The following USP46 variants were observed in gnomAD, a reference collection of about 807,000 sequenced individuals.
The protein encoded by USP46 is ubiquitin carboxyl-terminal hydrolase 46.
USP46 carries 12 observed loss-of-function variants against 44.4 expected under a neutral mutation model. The ratio of observed to expected loss-of-function variants is 0.27; its 90% CI spans 0.17 to 0.44. The LOEUF (loss-of-function observed/expected upper bound fraction) is 0.44, where lower values mean the gene tolerates loss of function less well. Among genes scored for constraint, USP46 ranks in the 20% least tolerant of loss-of-function variants. The pLI, the probability that USP46 is intolerant of heterozygous loss-of-function variation, is 1.00. For synonymous variants in USP46, 155 were observed against 161.5 expected, an observed-to-expected ratio of 0.96 and a Z score of 0.31; for missense variants, 248 against 444.8, an observed-to-expected ratio of 0.56 and a Z score of 3.98.
At chr4:52,599,279 C>T (rs1412433428) in intron 7 of USP46, among the ~76,000 whole-genome samples, 3 of 151,394 alleles carry the variant, frequency 2.0e-5, no homozygotes, top group Admixed American at 6.6e-5. Context: ...GGGGTCAGGG[C>T]GTGGAGAGAA....
intron 6 of USP46, among the ~76,000 whole-genome samples, chr4:52,602,596 C>T (rs921213310): frequency 2.0e-5 from 3 of 152,160 alleles, no homozygotes; most frequent in African/African-American, 7.2e-5. Flanking sequence ...CAAGTCACTT[C>T]CCTTCTCTAG....
At position 52,628,017 on chromosome 4, in the gene USP46, G is replaced by A. The variant is rs1249262152; in HGVS notation, c.264C>T (p.Ala88=). The change falls in exon 3 of 9, where the codon GCC becomes GCT. Residue 88 remains alanine (A), a synonymous_variant. Coordinates refer to ENST00000441222, the MANE Select transcript of USP46 (RefSeq NM_022832.4). The part of the protein sequence containing the change: ...TCLADLFHSI[A]TQKKKVGVIP... ...TGACGCCAACCTTCTTCTTCTGTGT[G>A]GCAATGCTGTGGAAAAGGTCCGCCA... is the stretch of plus-strand genomic sequence containing the variant. The A allele has an allele frequency of 6.2e-7, 1 of 1,613,880 alleles. No homozygotes were observed. The highest frequency in any genetic ancestry group is 8.5e-7 in the Non-Finnish European group (1 of 1,179,844).
At chr4:52,615,087 T>C (rs1057022759) in intron 4 of USP46, among the ~76,000 whole-genome samples, 1 of 150,926 alleles carries the variant, frequency 6.6e-6, no homozygotes, top group African/African-American at 2.4e-5. Flanking sequence ...CAAAAAATAA[T>C]TCAAAAAGAA....
At chr4:52,646,033 T>A (rs1718540297) in intron 1 of USP46, among the ~76,000 whole-genome samples, 1 of 152,202 alleles carries the variant, frequency 6.6e-6, no homozygotes, top group South Asian at 2.1e-4. Context: ...TTTGGAACTG[T>A]GAGTCAATTA....
chr4:52,593,490 A>G lies in USP46; in HGVS notation c.*4150T>C, dbSNP rs1341703978. 1.3e-5 allele frequency: 2 copies of G among 152,234 alleles called. No individual in the cohort carries two copies. Among genetic ancestry groups the G allele is most frequent in the Non-Finnish European group, 2.9e-5 (2 of 68,078 alleles). The allele number at this position is 152,234 out of a possible 1,614,324, so 9.4% of individuals were successfully genotyped here. A position where few individuals can be genotyped will look rare whatever the true frequency, so the allele number is the denominator to read the frequency against. Reference sequence around the variant, plus strand: ...TTTATTCCCATAATTGGGCCCAAGCATGTATTCCGATGACAATCTTCTGTC... The same window carrying G: ...TTTATTCCCATAATTGGGCCCAAGCGTGTATTCCGATGACAATCTTCTGTC... On this transcript the variant is annotated 3_prime_UTR_variant, in exon 9 of 9. Coordinates refer to ENST00000441222, the MANE Select transcript of USP46 (RefSeq NM_022832.4).
chr4:52,635,271 T>C (rs1718067701), intron 1 of USP46, among the ~76,000 whole-genome samples: 1 of 152,180 alleles, frequency 6.6e-6, no homozygotes, highest in Admixed American at 6.5e-5. Flanking sequence ...CCTTTGGCCA[T>C]ACGATCTGGC....
At chr4:52,653,277 G>A (rs549149323) in intron 1 of USP46, among the ~76,000 whole-genome samples, 59 of 152,064 alleles carry the variant, frequency 3.9e-4, no homozygotes, top group African/African-American at 1.4e-3. Flanking sequence ...AGGCTGAGGC[G>A]GGCGGATCAC....
At chr4:52,611,539 A>C (rs1716933675) in intron 4 of USP46, among the ~76,000 whole-genome samples, 2 of 152,140 alleles carry the variant, frequency 1.3e-5, no homozygotes, top group South Asian at 4.1e-4. Flanking sequence ...AAAATTCCAG[A>C]AGTTATCTGA....
intron 4 of USP46, among the ~76,000 whole-genome samples, chr4:52,613,046 G>C (rs1716992932): frequency 6.6e-6 from 1 of 152,180 alleles, no homozygotes. Flanking sequence ...CTACCTGAAG[G>C]CACTGGAGAG....
intron 4 of USP46, among the ~76,000 whole-genome samples, chr4:52,616,332 T>TTTCCTTTCCC (rs1717145845): frequency 6.6e-6 from 1 of 152,088 alleles, no homozygotes; most frequent in Admixed American, 6.6e-5. Context: ...TTTCCTTTCC[T>TTTCCTTTCCC]TTCCTTTCCC....
chr4:52,599,035 C>T (rs1716350456), intron 7 of USP46, among the ~76,000 whole-genome samples: 1 of 152,168 alleles, frequency 6.6e-6, no homozygotes, highest in African/African-American at 2.4e-5. Flanking sequence ...GTGAACAAAA[C>T]AAAGACCCCA....
chr4:52,629,350 C>T (rs542848953), intron 2 of USP46, among the ~76,000 whole-genome samples: 20 of 152,258 alleles, frequency 1.3e-4, no homozygotes, highest in African/African-American at 4.1e-4. Context: ...ATAAATGAAG[C>T]TATTAATAAA....
At chr4:52,612,785 T>G (rs1218954792) in intron 4 of USP46, among the ~76,000 whole-genome samples, 1 of 152,212 alleles carries the variant, frequency 6.6e-6, no homozygotes, top group Non-Finnish European at 1.5e-5. Flanking sequence ...AACCCACCAT[T>G]GCATGAGTTA....
intron 4 of USP46, among the ~76,000 whole-genome samples, chr4:52,616,620 G>T (rs915625764): frequency 4.6e-5 from 7 of 152,142 alleles, no homozygotes; most frequent in Non-Finnish European, 7.4e-5. Context: ...TGATCCGCCC[G>T]CCTCAGCCTC....
At chr4:52,603,626 T>A (rs942294099) in intron 6 of USP46, among the ~76,000 whole-genome samples, 3 of 152,212 alleles carry the variant, frequency 2.0e-5, no homozygotes, top group Non-Finnish European at 4.4e-5. Context: ...GAACTGTAAC[T>A]GTCTAGTGTG....
At chr4:52,627,617 C>G (rs1447319866) in intron 3 of USP46, among the ~76,000 whole-genome samples, 1 of 152,198 alleles carries the variant, frequency 6.6e-6, no homozygotes, top group East Asian at 1.9e-4. Context: ...TTAATTATTG[C>G]ATCAACCAAT....
chr4:52,622,114 A>G (rs1717399463), intron 4 of USP46, among the ~76,000 whole-genome samples: 1 of 152,260 alleles, frequency 6.6e-6, no homozygotes, highest in Admixed American at 6.5e-5. Context: ...AAGAAAAGAT[A>G]GTATTGACAC....
intron 2 of USP46, 147 bp from the exon 3 acceptor site, chr4:52,628,310 G>A (rs1560403334): frequency 2.9e-6 from 2 of 686,746 alleles, no homozygotes; most frequent in East Asian, 5.5e-5. Context: ...TAGAAAACTA[G>A]TTAACTACTC....
chr4:52,628,223 T>A (rs539387153), intron 2 of USP46, 60 bp from the exon 3 acceptor site: 18 of 1,544,848 alleles, frequency 1.2e-5, no homozygotes, highest in Non-Finnish European at 1.3e-5. Context: ...ACCTCTGGAA[T>A]AAGTGGTGAG....
Sources: gnomAD v4.1 joint callset for allele counts (sites outside exome capture counted in the v4.1 genomes callset) on GRCh38, gnomAD v4.1.1 for gene constraint, MANE v1.5 for transcripts, NCBI Gene and HGNC (gene_info 2026-07-23, HGNC 2026-07-21) for gene names.